Variants in ELP6 observed in about 807,000 individuals in gnomAD.
ELP6 encodes elongator complex protein 6.
In ELP6, 23 loss-of-function variants were observed where a neutral mutation model predicts 28.1. The ratio of observed to expected loss-of-function variants is 0.82; its 90% confidence interval spans 0.59 to 1.16. The LOEUF (loss-of-function observed/expected upper bound fraction) is 1.16, where lower values mean the gene tolerates loss of function less well. ELP6 is among the 50% of genes most tolerant of loss of function. The pLI is 0.00. For missense variants in ELP6, 313 were observed against 334.6 expected (o/e 0.94, Z 0.50); for synonymous variants, 132 against 135.8 (o/e 0.97, Z 0.19).
rs187815383 is a variant in ELP6, at chr3:47,498,953, G to C, written c.526-521C>G. Reference sequence around the variant, plus strand: ...CCCGGAGGAGCAGGTCAGGAGGTGAGCTCATGTGAGCTGAATCTCAGAGGG... The same window carrying C: ...CCCGGAGGAGCAGGTCAGGAGGTGACCTCATGTGAGCTGAATCTCAGAGGG... On this transcript the variant is annotated intron_variant, in intron 5 of 6. Transcript: ENST00000296149. Among the ~76,000 whole-genome samples, 151 of 152,350 alleles carry C rather than the reference G, an allele frequency of 9.9e-4. 3 individuals are homozygous for C. The highest frequency in any genetic ancestry group is 3.4e-3 in the African/African-American group (142 of 41,592).
chr3:47,511,558 C>A (rs1425993321), intron 1 of ELP6: 4 of 883,162 alleles, frequency 4.5e-6, no homozygotes, highest in Non-Finnish European at 5.4e-6. Flanking sequence ...GGATCCTGAA[C>A]AAAGGATGCT....
intron 1 of ELP6, chr3:47,511,978 T>A (rs1709029455): frequency 2.0e-6 from 2 of 984,432 alleles, no homozygotes; most frequent in Admixed American, 1.2e-4. Context: ...CGTCAGACCT[T>A]CAGTGTTACC....
intron 5 of ELP6, among the ~76,000 whole-genome samples, chr3:47,499,309 G>A (rs2108075705): frequency 6.6e-6 from 1 of 152,230 alleles, no homozygotes; most frequent in African/African-American, 2.4e-5. Flanking sequence ...CTGAGGTCAG[G>A]AGATCAAGAC....
intron 3 of ELP6, among the ~76,000 whole-genome samples, chr3:47,507,878 G>GAAGCA (rs1435821093): frequency 1.3e-5 from 2 of 151,808 alleles, no homozygotes; most frequent in Non-Finnish European, 2.9e-5. Flanking sequence ...TCACGCTCCA[G>GAAGCA]TACTTCACGT....
At chr3:47,513,467 C>CA (rs1326239851) in intron 1 of ELP6, 70 bp downstream of exon 1, 1 of 1,578,620 alleles carries the variant, frequency 6.3e-7, no homozygotes, top group Non-Finnish European at 8.6e-7. Flanking sequence ...GTCGTGCGCA[C>CA]CGCCTCCCGG....
chr3:47,510,706 C>T (rs1177202199), intron 2 of ELP6, among the ~76,000 whole-genome samples: 1 of 152,218 alleles, frequency 6.6e-6, no homozygotes, highest in Non-Finnish European at 1.5e-5. Context: ...CTCATCCTCC[C>T]ACCTGGGCCT....
At chr3:47,513,431 G>T in intron 1 of ELP6, 106 bp downstream of exon 1, 2 of 1,532,916 alleles carry the variant, frequency 1.3e-6, no homozygotes, top group East Asian at 2.4e-5. Flanking sequence ...GGTACCCCGT[G>T]CCGGGTCGTC....
Position 47,501,757 on chromosome 3 carries a change from C to G in ELP6, c.418G>C (p.Val140Leu), listed in dbSNP as rs1708661424. 3 of 1,605,820 alleles carry G rather than the reference C, an allele frequency of 1.9e-6. No individual in the cohort carries two copies. The highest frequency in any genetic ancestry group is 8.5e-7 in the Non-Finnish European group (1 of 1,176,618). ...ACACTGAGGTCGTCCACCAACAGCACCGGGTACGTCCACCGAGCCTCTCCA... is the reference window on the plus strand; with the variant it reads ...ACACTGAGGTCGTCCACCAACAGCAGCGGGTACGTCCACCGAGCCTCTCCA... Reference protein sequence around the residue: ...DSGEARWTYPVLLVDDLSVLL... With the variant: ...DSGEARWTYPLLLVDDLSVLL... The change falls in exon 5 of 7, where the codon GTG becomes CTG. Residue 140 changes from valine (V) to leucine (L), a missense_variant. Coordinates refer to ENST00000296149, the MANE Select transcript of ELP6 (RefSeq NM_001031703.3).
chr3:47,510,752 G>A (rs1004620584), intron 2 of ELP6, among the ~76,000 whole-genome samples: 2 of 152,152 alleles, frequency 1.3e-5, no homozygotes, highest in African/African-American at 4.8e-5. Flanking sequence ...GAGCCATTAC[G>A]CCCAGCCATG....
chr3:47,504,507 T>C, intron 3 of ELP6, 59 bp from the exon 4 acceptor site: 3 of 1,510,204 alleles, frequency 2.0e-6, no homozygotes, highest in Non-Finnish European at 2.7e-6. Flanking sequence ...TCAGACTAGA[T>C]GCCAGCTTGC....
At chr3:47,500,367 T>C (rs746648919) in intron 5 of ELP6, 1 of 341,838 alleles carries the variant, frequency 2.9e-6, no homozygotes, top group Non-Finnish European at 4.2e-6. Context: ...TTGGGCAACA[T>C]AGTGAGACCA....
In ELP6 at chr3:47,511,240, G is replaced by A; in HGVS notation, c.55-14C>T. The stretch of plus-strand genomic sequence containing the variant: ...AGTCAGTTTCCCCTAAAAGTTACAA[G>A]GAACACAAAAAGGTTAGACTCCCTG... On this transcript the variant is annotated splice_polypyrimidine_tract_variant and intron_variant, in intron 1 of 6. Transcript: ENST00000296149. 1.2e-6 allele frequency: 2 copies of A among 1,613,360 alleles called. No individual in the cohort carries two copies. The highest frequency in any genetic ancestry group is 2.2e-5 in the East Asian group (1 of 44,868).
chr3:47,513,652 C>A lies in ELP6; in HGVS notation c.-62G>T, dbSNP rs2291298. ...CGGAGTGCTGCAGAGACGACGGAGG[C>A]TGGAGAGCAAAACACACCCGACAGC... On this transcript the variant is annotated 5_prime_UTR_variant, in exon 1 of 7. Coordinates refer to ENST00000296149, the MANE Select transcript of ELP6 (RefSeq NM_001031703.3). 933,073 of 1,601,920 alleles carry A rather than the reference C, an allele frequency of 0.58. 277,007 individuals carry two copies. The highest frequency in any genetic ancestry group is 0.71 in the East Asian group (31,296 of 44,246).
intron 6 of ELP6, chr3:47,497,938 A>AT: frequency 1.0e-6 from 1 of 985,152 alleles, no homozygotes; most frequent in Non-Finnish European, 1.2e-6. Context: ...CTAAAAAAAA[A>AT]AGGAACAGTG....
intron 1 of ELP6, chr3:47,511,460 C>T: frequency 7.5e-7 from 1 of 1,336,760 alleles, no homozygotes; most frequent in East Asian, 3.1e-5. Flanking sequence ...ATCTCAGCCT[C>T]CACCTCCTCA....
chr3:47,499,054 C>A (rs902277760), intron 5 of ELP6, among the ~76,000 whole-genome samples: 2 of 152,194 alleles, frequency 1.3e-5, no homozygotes, highest in African/African-American at 4.8e-5. Flanking sequence ...ATAATGAGAG[C>A]TTTCAAAGGA....
At chr3:47,512,788 T>G in intron 1 of ELP6, 1 of 932,394 alleles carries the variant, frequency 1.1e-6, no homozygotes, top group Non-Finnish European at 1.3e-6. Flanking sequence ...CAATACAATG[T>G]GCCAATTGCT....
intron 5 of ELP6, chr3:47,499,651 C>T (rs1708583228): frequency 1.4e-6 from 1 of 708,170 alleles, no homozygotes; most frequent in Admixed American, 7.5e-5. Context: ...TGAGGTCGCA[C>T]CACTGCACTC....
At chr3:47,511,766 G>A in intron 1 of ELP6, 3 of 986,292 alleles carry the variant, frequency 3.0e-6, no homozygotes, top group Non-Finnish European at 3.6e-6. Flanking sequence ...CCTGATCATG[G>A]AGAGCTCTAG....
Sources: gnomAD v4.1 joint callset for allele counts (sites outside exome capture counted in the v4.1 genomes callset) on GRCh38, gnomAD v4.1.1 for gene constraint, MANE v1.5 for transcripts, NCBI Gene and HGNC (gene_info 2026-07-23, HGNC 2026-07-21) for gene names.